Variants in CD207 observed in about 807,000 individuals in gnomAD.
CD207 encodes CD207 molecule, also known as C-type lectin domain family 4 member K.
Under a neutral mutation model 31.6 loss-of-function variants are expected in CD207, and 28 were observed. The observed-to-expected ratio is 0.89, with a 90% CI of 0.66 to 1.21. The LOEUF is 1.21. CD207 is among the 50% of genes most tolerant of loss of function. The pLI is 0.00. For synonymous variants in CD207, 168 were observed against 153.9 expected (o/e 1.09, Z -0.68); for missense variants, 388 against 397.8 (o/e 0.98, Z 0.21).
chr2:70,835,264 C>T (rs782124761), intron 2 of CD207, among the ~76,000 whole-genome samples: 1 of 152,216 alleles, frequency 6.6e-6, no homozygotes, highest in Non-Finnish European at 1.5e-5. Flanking sequence ...CACCAATGTG[C>T]AAATGCTAAT....
the CD207 span, among the ~76,000 whole-genome samples, chr2:70,825,075 C>T: frequency 1.3e-5 from 2 of 152,172 alleles, no homozygotes; most frequent in Non-Finnish European, 2.9e-5. Context: ...ATGGTATGTA[C>T]CCTTCATAGG....
Position 70,833,703 on chromosome 2 carries a change from T to C in CD207, c.508A>G (p.Lys170Glu). 6.2e-7 allele frequency: 1 copy of C among 1,614,026 alleles called. No individual in the cohort carries two copies. Among genetic ancestry groups the C allele is most frequent in the South Asian group, 1.1e-5 (1 of 91,078 alleles). ...DLEKASALNT[K>E]IRALQGSLEN... Reference sequence around the variant, plus strand: ...AAGCTGCCCTGGAGTGCCCGGATCTTTGTATTTAAAGCACTGGCTTTCTCC... The same window carrying C: ...AAGCTGCCCTGGAGTGCCCGGATCTCTGTATTTAAAGCACTGGCTTTCTCC... The change falls in exon 3 of 6, where the codon AAG (lysine) becomes GAG (glutamate). Residue 170 changes from lysine (K) to glutamate (E), a missense_variant. Physicochemically the swap from Lys to Glu is moderately conservative, Grantham distance 56 (BLOSUM62 1). Coordinates refer to ENST00000410009, the MANE Select transcript of CD207 (RefSeq NM_015717.5).
Position 70,833,822 on chromosome 2 carries a change from A to G in CD207, c.389T>C (p.Val130Ala), listed in dbSNP as rs374206558. The change falls in exon 3 of 6, where the codon GTG becomes GCG. Residue 130 changes from valine to alanine, a missense_variant. Val to Ala is a moderately conservative substitution (Grantham distance 64, BLOSUM62 0). Coordinates refer to ENST00000410009, the MANE Select transcript of CD207 (RefSeq NM_015717.5). ...CTGGATCTGTGCGTTGGCCTTCTCC[A>G]CACTGGTTTTTAACTTCAGGAACTG... ...RSQFLKLKTS[V>A]EKANAQIQIL... The G allele has an allele frequency of 6.2e-7, 1 of 1,613,934 alleles. No individual in the cohort carries two copies. Among genetic ancestry groups the G allele is most frequent in the Admixed American group, 1.7e-5 (1 of 60,014 alleles).
At chr2:70,828,780 C>T (rs568289642), downstream of CD207, among the ~76,000 whole-genome samples, 239 of 152,290 alleles carry the variant, frequency 1.6e-3, 1 homozygote, top group African/African-American at 5.3e-3. Context: ...ATTCTCCTGC[C>T]TCAGTCTCCC....
downstream of CD207, among the ~76,000 whole-genome samples, chr2:70,825,648 C>T (rs1244578374): frequency 6.6e-6 from 1 of 152,120 alleles, no homozygotes; most frequent in African/African-American, 2.4e-5. Context: ...AAGCAATTCT[C>T]CCACCTCAGA....
At chr2:70,828,364 C>T (rs1385471461), downstream of CD207, among the ~76,000 whole-genome samples, 2 of 152,212 alleles carry the variant, frequency 1.3e-5, no homozygotes, top group Non-Finnish European at 2.9e-5. Flanking sequence ...TCCCAGCTTC[C>T]TCAAGGGAGG....
the CD207 span, among the ~76,000 whole-genome samples, chr2:70,824,305 T>C: frequency 6.6e-6 from 1 of 152,102 alleles, no homozygotes; most frequent in Admixed American, 6.6e-5. Flanking sequence ...TTTATTCCGT[T>C]CGTCTCCTAA....
intron 2 of CD207, among the ~76,000 whole-genome samples, chr2:70,835,171 G>T (rs1211804220): frequency 6.6e-6 from 1 of 152,240 alleles, no homozygotes; most frequent in East Asian, 1.9e-4. Context: ...AGCTCAGATT[G>T]GTGGGGGGTG....
chr2:70,830,933 T>A lies in CD207; in HGVS notation c.*117A>T. On this transcript the variant is annotated 3_prime_UTR_variant, in exon 6 of 6. Coordinates refer to ENST00000410009, the MANE Select transcript of CD207 (RefSeq NM_015717.5). ...ACTCCAGAATGCCACTGTGGGACAATTTTGAAGCAAGAAAAATTAACGTGC... is the reference window on the plus strand; with the variant it reads ...ACTCCAGAATGCCACTGTGGGACAAATTTGAAGCAAGAAAAATTAACGTGC... 1.0e-6 allele frequency: 1 copy of A among 1,001,206 alleles called. No individual in the cohort carries two copies. Among genetic ancestry groups the A allele is most frequent in the Non-Finnish European group, 1.4e-6 (1 of 701,070 alleles). The allele number at this position is 1,001,206 out of a possible 1,614,324, so 62.0% of individuals were successfully genotyped here. A position where few individuals can be genotyped will look rare whatever the true frequency, so the allele number is the denominator to read the frequency against.
chr2:70,829,997 G>A (rs1245604322), downstream of CD207, among the ~76,000 whole-genome samples: 2 of 152,214 alleles, frequency 1.3e-5, no homozygotes, highest in African/African-American at 2.4e-5. Flanking sequence ...CACCAAGATC[G>A]TGACATTGGA....
Position 70,831,752 on chromosome 2 carries a change from C to G in CD207, c.785G>C (p.Gly262Ala). The change falls in exon 5 of 6, where the codon GGG becomes GCG. Residue 262 changes from glycine to alanine, a missense_variant. Coordinates refer to ENST00000410009, the MANE Select transcript of CD207 (RefSeq NM_015717.5). ...CGTGTCATCCACCCAGGACCAGTCCCCTTCCATCCCTGCTTTAGTCAGGCC... is the reference window on the plus strand; with the variant it reads ...CGTGTCATCCACCCAGGACCAGTCCGCTTCCATCCCTGCTTTAGTCAGGCC... Reference protein sequence around the residue: ...WIGLTKAGMEGDWSWVDDTPF... With the variant: ...WIGLTKAGMEADWSWVDDTPF... 6.2e-7 allele frequency: 1 copy of G among 1,613,834 alleles called. No individual in the cohort carries two copies.
chr2:70,825,465 G>C (rs566933130), downstream of CD207, among the ~76,000 whole-genome samples: 629 of 152,258 alleles, frequency 4.1e-3, 7 homozygotes, highest in African/African-American at 0.015. Context: ...AATGGGAAAG[G>C]GTGGGTATAT....
At chr2:70,824,964 C>T in the CD207 span, among the ~76,000 whole-genome samples, 91,745 of 151,834 alleles carry the variant, frequency 0.6, 28,203 homozygotes, top group Middle Eastern at 0.7. Context: ...AAGTTCAGTA[C>T]AGGAAAAGGG....
At chr2:70,825,646 C>T (rs782811873), downstream of CD207, among the ~76,000 whole-genome samples, 13 of 152,122 alleles carry the variant, frequency 8.5e-5, no homozygotes, top group Non-Finnish European at 1.3e-4. Flanking sequence ...TCAAGCAATT[C>T]TCCCACCTCA....
intron 3 of CD207, among the ~76,000 whole-genome samples, 175 bp downstream of exon 3, chr2:70,833,471 G>A (rs781977964): frequency 6.6e-6 from 1 of 152,044 alleles, no homozygotes; most frequent in African/African-American, 2.4e-5. Flanking sequence ...TCTCCTAACA[G>A]CCCCTAAGTC....
Position 70,831,075 on chromosome 2 carries a change from C to A in CD207, c.962G>T (p.Arg321Leu). The A allele has an allele frequency of 6.2e-7, 1 of 1,613,760 alleles. No individual in the cohort carries two copies. The highest frequency in any genetic ancestry group is 8.5e-7 in the Non-Finnish European group (1 of 1,179,816). The stretch of plus-strand genomic sequence containing the variant: ...TCACGGTTCTGATGGGACATAGGGT[C>A]GCTTACAAATGAAAAGAAACGTTTT... ...CDKTFLFICK[R>L]PYVPSEP The change falls in exon 6 of 6, where the codon CGA (arginine) becomes CTA (leucine). Residue 321 changes from arginine to leucine, a missense_variant. Physicochemically the swap from Arg to Leu is moderately radical, Grantham distance 102 (BLOSUM62 -2). Coordinates refer to ENST00000410009, the MANE Select transcript of CD207 (RefSeq NM_015717.5).
At position 70,835,545 on chromosome 2, in the gene CD207, A is replaced by T. The variant is rs562632122; in HGVS notation, c.136T>A (p.Leu46Ile). Residue 46 changes from leucine to isoleucine, a missense_variant, in exon 2 of 6, where the codon TTA becomes ATA. Coordinates refer to ENST00000410009, the MANE Select transcript of CD207 (RefSeq NM_015717.5). ...ACCAGGACCAGCGTCAGGCAGATTA[A>T]TGCAGCACGGACTGTGGGTGTTTTC... is the stretch of plus-strand genomic sequence containing the variant. ...PGKTPTVRAALICLTLVLVAS... is the reference protein window; with the variant it reads ...PGKTPTVRAAIICLTLVLVAS... 6.2e-7 allele frequency: 1 copy of T among 1,613,986 alleles called. No homozygotes were observed. Among genetic ancestry groups the T allele is most frequent in the East Asian group, 2.2e-5 (1 of 44,884 alleles).
At chr2:70,828,605 G>C (rs1000644102), downstream of CD207, among the ~76,000 whole-genome samples, 4 of 152,156 alleles carry the variant, frequency 2.6e-5, no homozygotes, top group Admixed American at 2.0e-4. Flanking sequence ...GCTGCCCTCC[G>C]GGACCTCCAT....
At position 70,831,175 on chromosome 2, in the gene CD207, T is replaced by C. The variant is rs13383830; in HGVS notation, c.862A>G (p.Asn288Asp). ...VRFWIPGEPN[N>D]AGNNEHCGNI... ...CCACAGTGTTCATTGTTCCCAGCATTGTTGGGCTCACCTGGAATCCAGAAC... is the reference window on the plus strand; with the variant it reads ...CCACAGTGTTCATTGTTCCCAGCATCGTTGGGCTCACCTGGAATCCAGAAC... The change falls in exon 6 of 6, where the codon AAT becomes GAT. Residue 288 changes from asparagine (N) to aspartate (D), a missense_variant. Asn to Asp is a conservative substitution (Grantham distance 23, BLOSUM62 1). Transcript: ENST00000410009. 0.064 allele frequency: 102,506 copies of C among 1,613,382 alleles called. 4,507 individuals are homozygous for C. Among genetic ancestry groups the C allele is most frequent in the African/African-American group, 0.17 (13,004 of 74,964 alleles).
Sources: gnomAD v4.1 joint callset for allele counts (sites outside exome capture counted in the v4.1 genomes callset) on GRCh38, gnomAD v4.1.1 for gene constraint, MANE v1.5 for transcripts, NCBI Gene and HGNC (gene_info 2026-07-23, HGNC 2026-07-21) for gene names.